The following RBMS3 variants were observed in gnomAD, a reference collection of about 807,000 sequenced individuals.
RBMS3 encodes RNA binding motif single stranded interacting protein 3, also known as RNA-binding motif, single-stranded-interacting protein 3.
In RBMS3, 27 loss-of-function variants were observed where a neutral mutation model predicts 66.8. The ratio of observed to expected loss-of-function variants is 0.40; its 90% confidence interval spans 0.30 to 0.56. The LOEUF (loss-of-function observed/expected upper bound fraction) is 0.56. RBMS3 is among the 20% of genes least tolerant of loss of function. The probability of loss-of-function intolerance (pLI) is 0.40; values close to 1 mark genes in which losing one functional copy is unlikely to be tolerated. For synonymous variants in RBMS3, 188 were observed against 183.0 expected (o/e 1.03, Z -0.22); for missense variants, 513 against 549.5 (o/e 0.93, Z 0.66).
At chr3:29,347,092 C>T (rs2036622050) in intron 1 of RBMS3, among the ~76,000 whole-genome samples, 2 of 152,194 alleles carry the variant, frequency 1.3e-5, no homozygotes, top group South Asian at 4.2e-4. Flanking sequence ...GTTGGGAATT[C>T]CTTTGGTGAC....
chr3:29,862,497 A>T (rs2059239318), intron 6 of RBMS3, among the ~76,000 whole-genome samples: 1 of 152,170 alleles, frequency 6.6e-6, no homozygotes, highest in African/African-American at 2.4e-5. Context: ...GATTTATTTA[A>T]CACAAAGAGA....
At chr3:29,791,736 GACAGCGTTCACT>G (rs1486683830) in intron 6 of RBMS3, among the ~76,000 whole-genome samples, 1 of 152,068 alleles carries the variant, frequency 6.6e-6, no homozygotes. Flanking sequence ...AGAACATCCT[GACAGCGTTCACT>G]AAAAGCTAGT....
chr3:29,999,842 G>A (rs1036961461), intron 14 of RBMS3, among the ~76,000 whole-genome samples: 11 of 151,828 alleles, frequency 7.2e-5, no homozygotes, highest in African/African-American at 2.4e-4. Flanking sequence ...ACACCAACAT[G>A]GCACATGTGT....
intron 12 of RBMS3, among the ~76,000 whole-genome samples, chr3:29,980,753 A>G (rs1697930730): frequency 6.6e-6 from 1 of 151,718 alleles, no homozygotes; most frequent in Non-Finnish European, 1.5e-5. Context: ...GATGTATGGC[A>G]TATTTCTGAG....
intron 1 of RBMS3, among the ~76,000 whole-genome samples, chr3:29,346,008 T>C (rs1051646559): frequency 6.6e-6 from 1 of 152,236 alleles, no homozygotes; most frequent in Admixed American, 6.5e-5. Context: ...ATTATTGTTA[T>C]GTTGGTTTTC....
chr3:29,967,550 C>T lies in RBMS3; in HGVS notation c.1099-20593C>T, dbSNP rs79556896. Among the ~76,000 whole-genome samples, 195 of 152,274 alleles carry T rather than the reference C, an allele frequency of 1.3e-3. 4 individuals carry two copies. In the East Asian group the frequency reaches 0.036, roughly 28 times the overall value. The stretch of plus-strand genomic sequence containing the variant: ...GACCTCGTGATTTGCCTGCCTCAGC[C>T]TCCCAAAGTGCTGGGATTACAGGCG... On this transcript the variant is annotated intron_variant, in intron 12 of 14. Coordinates refer to ENST00000383767, the MANE Select transcript of RBMS3 (RefSeq NM_001003793.3).
At chr3:29,632,700 A>C (rs1388585019) in intron 4 of RBMS3, among the ~76,000 whole-genome samples, 3 of 151,934 alleles carry the variant, frequency 2.0e-5, no homozygotes, top group Non-Finnish European at 4.4e-5. Flanking sequence ...TGACATTTTA[A>C]GAACACCAAA....
At chr3:29,971,798 T>C (rs561974485) in intron 12 of RBMS3, among the ~76,000 whole-genome samples, 1 of 152,078 alleles carries the variant, frequency 6.6e-6, no homozygotes, top group South Asian at 2.1e-4. Context: ...CATTTCCCAA[T>C]GGGGGACTGA....
chr3:29,949,724 C>T (rs1695551885), intron 12 of RBMS3, among the ~76,000 whole-genome samples: 1 of 151,048 alleles, frequency 6.6e-6, no homozygotes, highest in African/African-American at 2.4e-5. Context: ...TATATTAAAA[C>T]CCTTTAAGAA....
chr3:29,686,858 A>C (rs2051755012), intron 4 of RBMS3, among the ~76,000 whole-genome samples: 1 of 152,124 alleles, frequency 6.6e-6, no homozygotes. Context: ...TTCAATTTCT[A>C]TGTGTAACAA....
chr3:29,928,190 A>ATC (rs2060994382), intron 10 of RBMS3, among the ~76,000 whole-genome samples: 1 of 91,850 alleles, frequency 1.1e-5, no homozygotes, highest in African/African-American at 4.0e-5. Context: ...TTATATATAT[A>ATC]TATATATATA....
At chr3:29,909,270 C>A (rs73831093) in intron 10 of RBMS3, among the ~76,000 whole-genome samples, 1 of 151,956 alleles carries the variant, frequency 6.6e-6, no homozygotes, top group Non-Finnish European at 1.5e-5. Context: ...TACTATTGTT[C>A]AGAATTTAAG....
At chr3:29,945,323 T>C (rs1201695095) in intron 12 of RBMS3, among the ~76,000 whole-genome samples, 2 of 151,704 alleles carry the variant, frequency 1.3e-5, no homozygotes, top group Non-Finnish European at 3.0e-5. Flanking sequence ...AATTCTTTTT[T>C]AATTTCTTAT....
chr3:29,613,077 A>T (rs896825755), intron 4 of RBMS3, among the ~76,000 whole-genome samples: 5 of 152,116 alleles, frequency 3.3e-5, no homozygotes, highest in African/African-American at 1.2e-4. Context: ...AGGGTCCCAC[A>T]CATGAACAAT....
intron 6 of RBMS3, among the ~76,000 whole-genome samples, chr3:29,855,071 T>TTTACC (rs980177838): frequency 6.6e-6 from 1 of 152,228 alleles, no homozygotes; most frequent in African/African-American, 2.4e-5. Flanking sequence ...TATTCCCCTG[T>TTTACC]TTACCTTACA....
chr3:29,513,181 A>G (rs192411064), intron 3 of RBMS3, among the ~76,000 whole-genome samples: 1 of 152,296 alleles, frequency 6.6e-6, no homozygotes, highest in Non-Finnish European at 1.5e-5. Context: ...AACCTTAGAA[A>G]GGTGTTAGTC....
At chr3:29,473,651 G>T (rs1364834096) in intron 2 of RBMS3, among the ~76,000 whole-genome samples, 1 of 152,240 alleles carries the variant, frequency 6.6e-6, no homozygotes, top group Non-Finnish European at 1.5e-5. Context: ...TGCCCCTCGG[G>T]GAGGCAGCTA....
At chr3:29,327,894 G>A (rs1207821335) in intron 1 of RBMS3, among the ~76,000 whole-genome samples, 1 of 152,184 alleles carries the variant, frequency 6.6e-6, no homozygotes, top group African/African-American at 2.4e-5. Context: ...AGTGAGGCAG[G>A]TAGAATGCTA....
intron 4 of RBMS3, among the ~76,000 whole-genome samples, chr3:29,701,878 A>AC (rs1196243293): frequency 4.8e-5 from 7 of 146,760 alleles, no homozygotes; most frequent in Non-Finnish European, 7.4e-5. Context: ...CCCCTGCTCC[A>AC]CGGCGCCGCC....
Sources: allele counts gnomAD v4.1 joint callset (sites outside exome capture counted in the v4.1 genomes callset), GRCh38; gene constraint gnomAD v4.1.1; transcripts MANE v1.5; gene names NCBI Gene and HGNC (gene_info 2026-07-23, HGNC 2026-07-21).